SGIP1: variants seen among roughly 807,000 people sequenced by gnomAD.
SGIP1 encodes SH3GL interacting endocytic adaptor 1.
In SGIP1, 38 loss-of-function variants were observed where a neutral mutation model predicts 107.5. The observed-to-expected ratio is 0.35, with a 90% CI of 0.27 to 0.46. SGIP1 has a LOEUF of 0.46. Ranked by LOEUF, SGIP1 falls within the 20% of genes least tolerant of loss-of-function variation. The pLI is 1.00. For missense variants in SGIP1, 929 were observed against 1,019.5 expected (o/e 0.91, Z 1.21); for synonymous variants, 365 against 366.1 (o/e 1.00, Z 0.03).
chr1:66,704,851 C>T (rs537015077), intron 18 of SGIP1: 1 of 152,278 alleles, frequency 6.6e-6, no homozygotes, highest in Admixed American at 6.5e-5. Flanking sequence ...ATTTAATCAG[C>T]ACCACATATA....
intron 2 of SGIP1, among the ~76,000 whole-genome samples, chr1:66,632,691 G>C (rs1389691838): frequency 6.6e-5 from 10 of 152,134 alleles, no homozygotes; most frequent in Non-Finnish European, 1.5e-4. Context: ...TGGTTTACTT[G>C]CCTCATGATA....
At chr1:66,589,895 G>C (rs1316670997) in intron 1 of SGIP1, among the ~76,000 whole-genome samples, 1 of 152,038 alleles carries the variant, frequency 6.6e-6, no homozygotes, top group East Asian at 1.9e-4. Context: ...CCATTGTCTT[G>C]TGAAATTTAT....
chr1:66,706,411 TA>T (rs1414746687), intron 18 of SGIP1, among the ~76,000 whole-genome samples: 1 of 146,094 alleles, frequency 6.8e-6, no homozygotes, highest in African/African-American at 2.5e-5. Context: ...ATATATAAAA[TA>T]AATATATATG....
chr1:66,686,619 C>G (rs1349580012), intron 15 of SGIP1, among the ~76,000 whole-genome samples: 1 of 152,190 alleles, frequency 6.6e-6, no homozygotes, highest in Non-Finnish European at 1.5e-5. Context: ...TGAAATACCC[C>G]TCAGGCCCTG....
chr1:66,613,324 T>C lies in SGIP1; in HGVS notation c.11-12523T>C, dbSNP rs191118455. On this transcript the variant is annotated intron_variant, in intron 1 of 24. Transcript: ENST00000371037. ...TGCCCATTCCACTTAGAACTTAAGT[T>C]TTTTTGTGTTTTGTTTTGTTTCTGA... is the stretch of plus-strand genomic sequence containing the variant. Among the ~76,000 whole-genome samples, 209 of 146,782 alleles carry C rather than the reference T, an allele frequency of 1.4e-3. 1 individual carries two copies. The highest frequency in any genetic ancestry group is 5.0e-3 in the African/African-American group (206 of 40,954).
intron 13 of SGIP1, 61 bp downstream of exon 13, chr1:66,677,157 T>C: frequency 2.3e-6 from 3 of 1,323,314 alleles, no homozygotes; most frequent in Non-Finnish European, 3.2e-6. Context: ...TCTGTCTGCA[T>C]AGTGAAATTA....
At chr1:66,552,454 G>GTGC (rs2057559433) in intron 1 of SGIP1, among the ~76,000 whole-genome samples, 1 of 152,070 alleles carries the variant, frequency 6.6e-6, no homozygotes, top group Non-Finnish European at 1.5e-5. Flanking sequence ...GGTTGGCATA[G>GTGC]TGCTGCTGCT....
At chr1:66,560,005 T>G (rs1163707967) in intron 1 of SGIP1, among the ~76,000 whole-genome samples, 1 of 152,012 alleles carries the variant, frequency 6.6e-6, no homozygotes, top group Admixed American at 6.6e-5. Flanking sequence ...GGTACTAAGT[T>G]GGCAAATTAC....
intron 7 of SGIP1, among the ~76,000 whole-genome samples, chr1:66,646,168 T>A (rs756518028): frequency 1.3e-5 from 2 of 152,144 alleles, no homozygotes; most frequent in Non-Finnish European, 2.9e-5. Context: ...AAATGACATA[T>A]GCAGCACTTC....
chr1:66,694,654 T>C, intron 17 of SGIP1: 1 of 477,902 alleles, frequency 2.1e-6, no homozygotes, highest in Non-Finnish European at 3.4e-6. Context: ...CTGTTCATCA[T>C]GGAACTCGTG....
chr1:66,635,864 C>A (rs2075674793), intron 3 of SGIP1, 80 bp from the exon 4 acceptor site: 1 of 1,398,160 alleles, frequency 7.2e-7, no homozygotes, highest in Non-Finnish European at 1.0e-6. Context: ...TTGCTGACTC[C>A]ATGTAATTCT....
intron 4 of SGIP1, among the ~76,000 whole-genome samples, chr1:66,637,047 CA>C (rs3831086): frequency 0.53 from 80,186 of 150,428 alleles, 22,519 homozygotes; most frequent in African/African-American, 0.73. Context: ...TTAAGAAATA[CA>C]AAAAAAAAGG....
chr1:66,625,417 T>C (rs1040945620), intron 1 of SGIP1, among the ~76,000 whole-genome samples: 3 of 152,200 alleles, frequency 2.0e-5, no homozygotes, highest in African/African-American at 7.2e-5. Context: ...ATGTGTCAGA[T>C]CTGTGCAGTT....
At position 66,677,097 on chromosome 1, in the gene SGIP1, G is replaced by GT; in HGVS notation, c.739+2dup. On this transcript the variant is annotated splice_donor_variant, in intron 13 of 24. Coordinates refer to ENST00000371037, the MANE Select transcript of SGIP1 (RefSeq NM_032291.4). LOFTEE classifies it high-confidence loss of function. ...TTAACAAGGCCTTTTCCCACTGGAA[G>GT]TAAGTTATGTGTCTGCTCTGTCTGG... The GT allele has an allele frequency of 6.2e-7, 1 of 1,611,802 alleles. No individual in the cohort carries two copies. The highest frequency in any genetic ancestry group is 8.5e-7 in the Non-Finnish European group (1 of 1,178,104).
At chr1:66,638,940 C>T (rs1189376156) in intron 4 of SGIP1, among the ~76,000 whole-genome samples, 5 of 152,198 alleles carry the variant, frequency 3.3e-5, no homozygotes, top group African/African-American at 1.2e-4. Flanking sequence ...AATGAACCCT[C>T]CTTTACCAAC....
chr1:66,662,208 A>C (rs1263863468), intron 8 of SGIP1, among the ~76,000 whole-genome samples: 2 of 152,236 alleles, frequency 1.3e-5, no homozygotes, highest in African/African-American at 4.8e-5. Context: ...ATATATTCTA[A>C]TCCTTTCCTA....
chr1:66,589,163 CATATATATATAT>C (rs55788345), intron 1 of SGIP1, among the ~76,000 whole-genome samples: 1,058 of 69,670 alleles, frequency 0.015, 8 homozygotes, highest in East Asian at 0.022. Context: ...TAAAAGTTTA[CATATATATATAT>C]ATATATATAT....
At chr1:66,650,582 C>T (rs2078554271) in intron 7 of SGIP1, among the ~76,000 whole-genome samples, 1 of 152,122 alleles carries the variant, frequency 6.6e-6, no homozygotes, top group Non-Finnish European at 1.5e-5. Context: ...TCTAGGTCTC[C>T]TGGCTTGCTC....
At chr1:66,694,866 C>G (rs772787003) in intron 17 of SGIP1, 5 of 235,108 alleles carry the variant, frequency 2.1e-5, no homozygotes, top group Non-Finnish European at 4.0e-5. Context: ...CTTGTTTTCT[C>G]TTTGATACAT....
Sources: allele counts gnomAD v4.1 joint callset (sites outside exome capture counted in the v4.1 genomes callset), GRCh38; gene constraint gnomAD v4.1.1; transcripts MANE v1.5; gene names NCBI Gene and HGNC (gene_info 2026-07-23, HGNC 2026-07-21).